SLC22A23: variants seen among roughly 807,000 people sequenced by gnomAD.
The protein encoded by SLC22A23 is ion transporter protein.
A neutral mutation model predicts 61.0 loss-of-function variants in SLC22A23; 26 were observed. The observed-to-expected ratio is 0.43, with a 90% CI of 0.31 to 0.59. The LOEUF is 0.59. Ranked by LOEUF, SLC22A23 falls within the 20% of genes least tolerant of loss-of-function variation. SLC22A23 has a pLI of 0.11. For missense variants in SLC22A23, 796 were observed against 934.7 expected (o/e 0.85, Z 1.94); for synonymous variants, 430 against 413.9 (o/e 1.04, Z -0.47).
At chr6:3,311,753 G>A (rs1316431822) in intron 4 of SLC22A23, 1 of 152,198 alleles carries the variant, frequency 6.6e-6, no homozygotes, top group Non-Finnish European at 1.5e-5. Flanking sequence ...TGTTACAAAA[G>A]CTCAGAACCT....
chr6:3,415,406 C>T (rs2127522175), intron 2 of SLC22A23, among the ~76,000 whole-genome samples: 1 of 152,310 alleles, frequency 6.6e-6, no homozygotes, highest in Admixed American at 6.5e-5. Context: ...AATGCATCTT[C>T]TGCAGCTGCC....
chr6:3,293,386 G>A (rs1202095237), intron 5 of SLC22A23, among the ~76,000 whole-genome samples: 1 of 152,226 alleles, frequency 6.6e-6, no homozygotes, highest in Admixed American at 6.5e-5. Flanking sequence ...AAAAGCACCT[G>A]CTGCCTCTTC....
At chr6:3,345,362 T>TC (rs1561912578) in intron 3 of SLC22A23, among the ~76,000 whole-genome samples, 1 of 126,674 alleles carries the variant, frequency 7.9e-6, no homozygotes, top group African/African-American at 3.3e-5. Flanking sequence ...ATATCTCTTT[T>TC]CTTTTTTTTT....
chr6:3,449,089 C>T (rs537069802), intron 1 of SLC22A23, among the ~76,000 whole-genome samples: 1 of 152,320 alleles, frequency 6.6e-6, no homozygotes, highest in Non-Finnish European at 1.5e-5. Flanking sequence ...GACGTTGTTA[C>T]AAGCAAGTCA....
intron 3 of SLC22A23, among the ~76,000 whole-genome samples, chr6:3,344,036 A>G (rs1437665199): frequency 1.3e-5 from 2 of 152,242 alleles, no homozygotes; most frequent in Non-Finnish European, 2.9e-5. Context: ...CTCTGACAGC[A>G]CTGGGGAATG....
intron 6 of SLC22A23, among the ~76,000 whole-genome samples, chr6:3,287,654 A>T (rs966208573): frequency 2.7e-5 from 4 of 150,652 alleles, no homozygotes; most frequent in African/African-American, 9.8e-5. Context: ...AATGGAAGAC[A>T]TATAGGGTCC....
At position 3,337,446 on chromosome 6, in the gene SLC22A23, C is replaced by CT. The variant is rs112272605; in HGVS notation, c.914-13445dup. Among the ~76,000 whole-genome samples the CT allele has an allele frequency of 9.2e-3, 1,324 of 143,640 alleles. 16 individuals carry two copies. The highest frequency in any genetic ancestry group is 0.026 in the African/African-American group (1,007 of 39,428). The allele number at this position is 143,640 out of a possible 152,430, so 94.2% of individuals were successfully genotyped here. Reference sequence around the variant, plus strand: ...GCTCTGTGTTAAGTGTTACAATTCCCTTTTTTTTTTTTTTTTTAAATCCTG... The same window carrying CT: ...GCTCTGTGTTAAGTGTTACAATTCCCTTTTTTTTTTTTTTTTTTAAATCCTG... On this transcript the variant is annotated intron_variant, in intron 3 of 9. Coordinates refer to ENST00000406686, the MANE Select transcript of SLC22A23 (RefSeq NM_015482.2).
At chr6:3,434,237 C>T (rs997733518) in intron 1 of SLC22A23, among the ~76,000 whole-genome samples, 2 of 151,824 alleles carry the variant, frequency 1.3e-5, no homozygotes, top group Admixed American at 6.6e-5. Context: ...CACTTGAACC[C>T]GGGATGCGGA....
rs1770608051 is a variant in SLC22A23 at position 3,427,928 on chromosome 6, C to T, written c.655-12073G>A. Among the ~76,000 whole-genome samples, 2 of 152,230 alleles carry T rather than the reference C, an allele frequency of 1.3e-5. No individual in the cohort carries two copies. Among genetic ancestry groups the T allele is most frequent in the South Asian group, 2.1e-4 (1 of 4,834 alleles). On this transcript the variant is annotated intron_variant, in intron 1 of 9. Coordinates refer to ENST00000406686, the MANE Select transcript of SLC22A23 (RefSeq NM_015482.2). This position sits in a 1 kb window ranked among gnomAD's most constrained non-coding sequence, Gnocchi z 4.3. ...GTCGGGAGAGGAAGAAGGTCGGCTG[C>T]ACCCGAGGTGGGGTGAGCCAGGAAG... is the stretch of plus-strand genomic sequence containing the variant.
At chr6:3,385,085 G>T (rs11964959) in intron 3 of SLC22A23, among the ~76,000 whole-genome samples, 1,600 of 152,334 alleles carry the variant, frequency 0.011, 34 homozygotes, top group African/African-American at 0.036. Flanking sequence ...CTGGGGAGAG[G>T]AGGGAGAATG....
intron 9 of SLC22A23, among the ~76,000 whole-genome samples, chr6:3,281,534 G>A (rs377504482): frequency 2.6e-5 from 4 of 152,198 alleles, no homozygotes; most frequent in South Asian, 2.1e-4. Flanking sequence ...CTTACCCTTT[G>A]CTGCCAGAAG....
intron 4 of SLC22A23, among the ~76,000 whole-genome samples, chr6:3,301,242 T>C (rs1304693279): frequency 1.3e-5 from 2 of 152,296 alleles, no homozygotes; most frequent in Non-Finnish European, 2.9e-5. Flanking sequence ...GTTTAGTATC[T>C]TTTTCTAATT....
intron 1 of SLC22A23, among the ~76,000 whole-genome samples, chr6:3,455,305 C>A (rs1160878774): frequency 6.6e-6 from 1 of 152,226 alleles, no homozygotes; most frequent in African/African-American, 2.4e-5. Context: ...ATATTCTCCG[C>A]GTCCTTCCTA....
At position 3,455,860 on chromosome 6, in the gene SLC22A23, G is replaced by C. The variant is rs958762674; in HGVS notation, c.654+46C>G. 6 of 1,458,318 alleles carry C rather than the reference G, an allele frequency of 4.1e-6. No homozygotes were observed. In the South Asian group the frequency reaches 7.1e-5, roughly 17 times the overall value. The allele number at this position is 1,458,318 out of a possible 1,614,324, so 90.3% of individuals were successfully genotyped here. A position where few individuals can be genotyped will look rare whatever the true frequency, so the allele number is the denominator to read the frequency against. ...CCCGCTGGCTCGGGCTTGGACCTCG[G>C]TCTGCAGGGAGAGGGTTGGAGGGAC... On this transcript the variant is annotated intron_variant, in intron 1 of 9. Coordinates refer to ENST00000406686, the MANE Select transcript of SLC22A23 (RefSeq NM_015482.2).
chr6:3,298,198 C>T lies in SLC22A23; in HGVS notation c.1103G>A (p.Arg368Gln), dbSNP rs1279278552. 6.3e-7 allele frequency: 1 copy of T among 1,590,948 alleles called. No homozygotes were observed. The highest frequency in any genetic ancestry group is 8.5e-7 in the Non-Finnish European group (1 of 1,171,538). ...AAACTGCTGGGTGGCCATTAGCCAC[C>T]GGAGGGACTCGGGGAATATCCTTTA... ...LYWSIFPESL[R>Q]WLMATQQFES... Residue 368 changes from arginine to glutamine, a missense_variant, in exon 5 of 10, where the codon CGG becomes CAG. Transcript: ENST00000406686.
At chr6:3,351,975 T>A (rs1764795230) in intron 3 of SLC22A23, among the ~76,000 whole-genome samples, 1 of 152,166 alleles carries the variant, frequency 6.6e-6, no homozygotes, top group South Asian at 2.1e-4. Context: ...AGGGATGCTC[T>A]GGGTGGATGA....
At chr6:3,431,293 A>C (rs1324470279) in intron 1 of SLC22A23, among the ~76,000 whole-genome samples, 4 of 152,224 alleles carry the variant, frequency 2.6e-5, no homozygotes, top group Non-Finnish European at 4.4e-5. Context: ...GAAAATGTTA[A>C]CTCAATCAAA....
In SLC22A23 at chr6:3,360,842, G is replaced by C. The variant is rs944388647; in HGVS notation, c.914-36840C>G. 6.6e-6 allele frequency among the ~76,000 whole-genome samples: 1 copy of C among 152,226 alleles called. No individual in the cohort carries two copies. Among genetic ancestry groups the C allele is most frequent in the Non-Finnish European group, 1.5e-5 (1 of 68,042 alleles). ...CACAGCTGGCGTGGTCATCCAGGGC[G>C]GGAACGGGATTGGACGAAGCCTTCC... On this transcript the variant is annotated intron_variant, in intron 3 of 9. Transcript: ENST00000406686. The surrounding 1 kb of genome is among the most constrained non-coding windows in gnomAD (Gnocchi z 4.6).
intron 1 of SLC22A23, among the ~76,000 whole-genome samples, chr6:3,435,061 G>A (rs1163732667): frequency 1.3e-5 from 2 of 152,112 alleles, no homozygotes; most frequent in Admixed American, 6.5e-5. Flanking sequence ...TGCTGGAAGC[G>A]GCTGCTGGGA....
Sources: allele counts gnomAD v4.1 joint callset (sites outside exome capture counted in the v4.1 genomes callset), GRCh38; gene constraint gnomAD v4.1.1; non-coding constraint Gnocchi (gnomAD v3.1); transcripts MANE v1.5; gene names NCBI Gene and HGNC (gene_info 2026-07-23, HGNC 2026-07-21).